Variants in SMYD3 observed in about 807,000 individuals in gnomAD.
The protein encoded by SMYD3 is SET and MYND domain containing 3.
SMYD3 carries 36 observed loss-of-function variants against 57.7 expected under a neutral mutation model. The observed-to-expected ratio is 0.62, with a 90% confidence interval of 0.48 to 0.82. The LOEUF (loss-of-function observed/expected upper bound fraction) is 0.82, where lower values mean the gene tolerates loss of function less well. Among genes scored for constraint, SMYD3 ranks in the 40% least tolerant of loss-of-function variants. SMYD3 has a pLI of 0.00. For missense variants in SMYD3, 515 were observed against 538.8 expected (o/e 0.96, Z 0.44); for synonymous variants, 211 against 195.0 (o/e 1.08, Z -0.68).
intron 5 of SMYD3, among the ~76,000 whole-genome samples, chr1:246,046,565 G>C (rs2059969268): frequency 6.6e-6 from 1 of 151,248 alleles, no homozygotes; most frequent in Non-Finnish European, 1.5e-5. Context: ...CATGGCACAT[G>C]TATACATATG....
At chr1:245,776,033 A>G (rs1022693557) in intron 10 of SMYD3, among the ~76,000 whole-genome samples, 1 of 152,220 alleles carries the variant, frequency 6.6e-6, no homozygotes, top group African/African-American at 2.4e-5. Flanking sequence ...CAATTATAGC[A>G]TATGTATCAG....
rs370024786 is a variant in SMYD3 at position 246,485,115 on chromosome 1, C to T, written c.164+21939G>A. 4.7e-5 allele frequency among the ~76,000 whole-genome samples: 7 copies of T among 149,890 alleles called. No homozygotes were observed. The South Asian group carries it at 1.5e-3, about 32-fold the overall frequency. On this transcript the variant is annotated intron_variant, in intron 1 of 11. Transcript: ENST00000490107. The stretch of plus-strand genomic sequence containing the variant: ...CGCCTCAACCAAAATACCTAAACTA[C>T]TGCACTAGTTACACCTGAAAACACA...
At chr1:246,441,634 T>G (rs898059829) in intron 1 of SMYD3, among the ~76,000 whole-genome samples, 9 of 152,176 alleles carry the variant, frequency 5.9e-5, no homozygotes, top group Non-Finnish European at 1.0e-4. Flanking sequence ...CCCCTTGAGA[T>G]AGAGTCTCAC....
chr1:245,787,870 G>C (rs2047110092), intron 10 of SMYD3, among the ~76,000 whole-genome samples: 1 of 152,200 alleles, frequency 6.6e-6, no homozygotes, highest in Non-Finnish European at 1.5e-5. Context: ...CTTCATGTGT[G>C]TGGTAGAGGT....
At chr1:246,015,878 G>A (rs12122251) in intron 5 of SMYD3, among the ~76,000 whole-genome samples, 8,341 of 151,492 alleles carry the variant, frequency 0.055, 291 homozygotes, top group African/African-American at 0.096. Context: ...ATATCTGTTC[G>A]AGTACCTGCT....
intron 5 of SMYD3, among the ~76,000 whole-genome samples, chr1:246,298,967 T>C (rs1244712948): frequency 6.6e-6 from 1 of 152,180 alleles, no homozygotes; most frequent in Non-Finnish European, 1.5e-5. Flanking sequence ...TATCCCGTAC[T>C]AGCAAGGCTG....
At chr1:245,932,947 A>C (rs1178815061) in intron 5 of SMYD3, among the ~76,000 whole-genome samples, 1 of 152,148 alleles carries the variant, frequency 6.6e-6, no homozygotes, top group African/African-American at 2.4e-5. Flanking sequence ...TCTCACTTTT[A>C]TTTAAAATGC....
Position 245,948,356 on chromosome 1 carries a change from G to C in SMYD3, c.532-18419C>G, listed in dbSNP as rs74616458. On this transcript the variant is annotated intron_variant, in intron 5 of 11. Coordinates refer to ENST00000490107, the MANE Select transcript of SMYD3 (RefSeq NM_001167740.2). ...GCCTAAGGCAAGAAAGGAGAGGGAA[G>C]CAAGGCAGCCTCTTTGGCTGGGACC... Among the ~76,000 whole-genome samples, 40 of 152,304 alleles carry C rather than the reference G, an allele frequency of 2.6e-4. No individual in the cohort carries two copies. In the East Asian group the frequency reaches 6.8e-3, roughly 26 times the overall value.
At chr1:246,428,177 CTGG>C (rs1274234752) in intron 1 of SMYD3, among the ~76,000 whole-genome samples, 1 of 152,050 alleles carries the variant, frequency 6.6e-6, no homozygotes, top group Non-Finnish European at 1.5e-5. Context: ...TTGTTCAATC[CTGG>C]AAAAAATTGG....
chr1:246,181,715 T>C (rs771373210), intron 5 of SMYD3, among the ~76,000 whole-genome samples: 7 of 152,208 alleles, frequency 4.6e-5, no homozygotes, highest in Non-Finnish European at 1.0e-4. Flanking sequence ...GTCCTTAAGA[T>C]GCGTTCAAGA....
chr1:246,379,880 A>C (rs998737713), intron 1 of SMYD3, among the ~76,000 whole-genome samples: 6 of 152,004 alleles, frequency 3.9e-5, no homozygotes, highest in Admixed American at 2.0e-4. Context: ...CACACCTGTA[A>C]TCCCAGCTAC....
At chr1:245,967,790 C>A (rs1482149462) in intron 5 of SMYD3, among the ~76,000 whole-genome samples, 1 of 152,186 alleles carries the variant, frequency 6.6e-6, no homozygotes, top group African/African-American at 2.4e-5. Flanking sequence ...GCAGATAATT[C>A]CATTTGCGAC....
In SMYD3 at chr1:246,185,209, C is replaced by T. The variant is rs935442666; in HGVS notation, c.531+141992G>A. 3.3e-5 allele frequency among the ~76,000 whole-genome samples: 5 copies of T among 152,298 alleles called. No individual in the cohort carries two copies. In the East Asian group the frequency reaches 9.6e-4, roughly 29 times the overall value. On this transcript the variant is annotated intron_variant, in intron 5 of 11. Coordinates refer to ENST00000490107, the MANE Select transcript of SMYD3 (RefSeq NM_001167740.2). ...ATGCTCACCCTTCCTTTACTCACTA[C>T]TGAAAACTGTCAATAGCAATTCAAG...
At chr1:246,158,238 A>G (rs2062053773) in intron 5 of SMYD3, among the ~76,000 whole-genome samples, 1 of 152,208 alleles carries the variant, frequency 6.6e-6, no homozygotes, top group Admixed American at 6.5e-5. Context: ...TGCAAAATGA[A>G]ACAGCTCCGT....
chr1:246,407,217 T>G (rs574978159), intron 1 of SMYD3, among the ~76,000 whole-genome samples: 6 of 152,258 alleles, frequency 3.9e-5, no homozygotes, highest in Non-Finnish European at 8.8e-5. Flanking sequence ...AGATTGTAAC[T>G]GCTGATTATG....
chr1:246,436,466 T>C (rs570788460), intron 1 of SMYD3, among the ~76,000 whole-genome samples: 2 of 152,320 alleles, frequency 1.3e-5, no homozygotes, highest in African/African-American at 4.8e-5. Flanking sequence ...AGGATTCCCA[T>C]CTACCCCTTC....
At chr1:245,968,549 A>G (rs1021148175) in intron 5 of SMYD3, among the ~76,000 whole-genome samples, 2 of 152,232 alleles carry the variant, frequency 1.3e-5, no homozygotes, top group Non-Finnish European at 2.9e-5. Flanking sequence ...GTGTACGAGT[A>G]ACAATGCACC....
chr1:246,124,106 G>A (rs914548868), intron 5 of SMYD3, among the ~76,000 whole-genome samples: 1 of 152,172 alleles, frequency 6.6e-6, no homozygotes, highest in Admixed American at 6.5e-5. Flanking sequence ...AAGTCAATAA[G>A]TGTTGAATTA....
Position 245,765,045 on chromosome 1 carries a change from T to TACACAC in SMYD3, c.1077-902_1077-897dup, listed in dbSNP as rs3085339. Among the ~76,000 whole-genome samples the TACACAC allele has an allele frequency of 3.7e-3, 500 of 134,818 alleles. 4 individuals carry two copies. Among genetic ancestry groups the TACACAC allele is most frequent in the East Asian group, 0.017 (81 of 4,810 alleles). The allele number at this position is 134,818 out of a possible 152,430, so 88.4% of individuals were successfully genotyped here. A position where few individuals can be genotyped will look rare whatever the true frequency, so the allele number is the denominator to read the frequency against. ...CAGAATTGTCTCTGGTGGAAATGCC[T>TACACAC]ACACACACACACACACACACACACA... On this transcript the variant is annotated intron_variant, in intron 10 of 11. Transcript: ENST00000490107.
Sources: allele counts gnomAD v4.1 joint callset (sites outside exome capture counted in the v4.1 genomes callset), GRCh38; gene constraint gnomAD v4.1.1; transcripts MANE v1.5; gene names NCBI Gene and HGNC (gene_info 2026-07-23, HGNC 2026-07-21).